Variants in AGK observed in about 807,000 individuals in gnomAD.
AGK encodes the protein acylglycerol kinase, mitochondrial.
In AGK, 52 loss-of-function variants were observed where a neutral mutation model predicts 66.4. That is an observed-to-expected ratio of 0.78 (90% CI 0.63 to 0.99). The LOEUF is 0.99. Ranked by LOEUF, AGK falls within the 50% of genes least tolerant of loss-of-function variation. The pLI is 0.00. For synonymous variants in AGK, 182 were observed against 181.1 expected (o/e 1.00, Z -0.04); for missense variants, 451 against 506.6 (o/e 0.89, Z 1.05).
At chr7:141,615,442 T>C (rs1796682452) in intron 7 of AGK, 29 bp from the exon 8 acceptor site, 4 of 1,587,726 alleles carry the variant, frequency 2.5e-6, no homozygotes, top group Non-Finnish European at 2.6e-6. Context: ...ATCATAACAA[T>C]AAAACTTTCC....
At chr7:141,552,388 T>G (rs911057197) in intron 1 of AGK, among the ~76,000 whole-genome samples, 1 of 152,218 alleles carries the variant, frequency 6.6e-6, no homozygotes, top group African/African-American at 2.4e-5. Flanking sequence ...CAATCCTTTA[T>G]CTCTAAACCA....
At chr7:141,634,027 A>G (rs374856701) in intron 10 of AGK, 47 bp downstream of exon 10, 43 of 1,492,716 alleles carry the variant, frequency 2.9e-5, no homozygotes, top group Admixed American at 6.7e-5. Context: ...AAAAAATCTT[A>G]TTCTGTCCCT....
intron 1 of AGK, 22 bp downstream of exon 1, chr7:141,551,456 C>G (rs374965673): frequency 6.5e-6 from 1 of 152,950 alleles, no homozygotes; most frequent in Non-Finnish European, 1.5e-5. Flanking sequence ...GGCGCCCAGG[C>G]GGGGAGCGCA....
At chr7:141,576,909 G>A (rs1022230736) in intron 2 of AGK, among the ~76,000 whole-genome samples, 12 of 151,912 alleles carry the variant, frequency 7.9e-5, no homozygotes, top group African/African-American at 2.4e-4. Flanking sequence ...GTGTGGTGGC[G>A]GGCACCTGTA....
chr7:141,619,674 A>G (rs893306368), intron 8 of AGK, among the ~76,000 whole-genome samples: 3 of 141,894 alleles, frequency 2.1e-5, no homozygotes, highest in Non-Finnish European at 4.5e-5. Context: ...CATAAACAAG[A>G]AAAAAAAAAA....
chr7:141,582,122 G>T lies in AGK; in HGVS notation c.102-11024G>T, dbSNP rs185346349. On this transcript the variant is annotated intron_variant, in intron 2 of 15. Transcript: ENST00000649286. ...GTCAAGAAGATCTGGGAAGGAGTCAGTCAGAGCCTTGGGCCGGTTGGACAG... is the reference window on the plus strand; with the variant it reads ...GTCAAGAAGATCTGGGAAGGAGTCATTCAGAGCCTTGGGCCGGTTGGACAG... 2.3e-3 allele frequency among the ~76,000 whole-genome samples: 347 copies of T among 152,184 alleles called. 8 individuals carry two copies. The highest frequency in any genetic ancestry group is 8.1e-3 in the African/African-American group (335 of 41,436).
chr7:141,558,890 A>C (rs1249975215), intron 2 of AGK, among the ~76,000 whole-genome samples: 2 of 152,198 alleles, frequency 1.3e-5, no homozygotes, highest in African/African-American at 4.8e-5. Flanking sequence ...GAAGTCAAGC[A>C]TCTTTTCACA....
At chr7:141,621,438 T>C (rs1328802380) in intron 8 of AGK, among the ~76,000 whole-genome samples, 1 of 152,182 alleles carries the variant, frequency 6.6e-6, no homozygotes, top group African/African-American at 2.4e-5. Context: ...TATTTTCCAA[T>C]GGTAAATAGG....
chr7:141,612,855 T>A (rs778661735), intron 6 of AGK, among the ~76,000 whole-genome samples: 11 of 152,200 alleles, frequency 7.2e-5, no homozygotes, highest in Non-Finnish European at 1.5e-4. Context: ...GTGCAGGTGA[T>A]CCCACGCACT....
intron 6 of AGK, among the ~76,000 whole-genome samples, chr7:141,612,333 G>T (rs1019509749): frequency 6.6e-6 from 1 of 152,156 alleles, no homozygotes; most frequent in Admixed American, 6.5e-5. Flanking sequence ...GGATGAATAG[G>T]CAGAGCACAG....
intron 2 of AGK, among the ~76,000 whole-genome samples, chr7:141,566,053 T>C (rs763132427): frequency 1.2e-4 from 19 of 152,218 alleles, no homozygotes; most frequent in Admixed American, 3.9e-4. Context: ...AAGTGACATG[T>C]TCTTTCTGTT....
intron 2 of AGK, among the ~76,000 whole-genome samples, chr7:141,587,142 A>T (rs1796010664): frequency 6.6e-6 from 1 of 152,162 alleles, no homozygotes; most frequent in Non-Finnish European, 1.5e-5. Context: ...GCAATTGCTT[A>T]ATGCAGGATG....
chr7:141,614,232 T>C, intron 7 of AGK, 54 bp downstream of exon 7: 1 of 1,302,012 alleles, frequency 7.7e-7, no homozygotes, highest in East Asian at 2.5e-5. Flanking sequence ...TTCTTTTTTA[T>C]TGCTTTTCTT....
intron 2 of AGK, among the ~76,000 whole-genome samples, chr7:141,565,364 A>G (rs967666355): frequency 6.6e-6 from 1 of 152,094 alleles, no homozygotes; most frequent in Admixed American, 6.5e-5. Flanking sequence ...TAATTTCCCA[A>G]ACTAGGCTAG....
Position 141,598,385 on chromosome 7 carries a change from C to T in AGK, c.221+1744C>T, listed in dbSNP as rs1011035826. Among the ~76,000 whole-genome samples, 4 of 152,100 alleles carry T rather than the reference C, an allele frequency of 2.6e-5. No homozygotes were observed. The highest frequency in any genetic ancestry group is 7.2e-5 in the African/African-American group (3 of 41,416). ...GATAAGTAAATTGTCAGTGGTGGCCCGTGGCTGAAGATAACAGAGAACTCA... is the reference window on the plus strand; with the variant it reads ...GATAAGTAAATTGTCAGTGGTGGCCTGTGGCTGAAGATAACAGAGAACTCA... On this transcript the variant is annotated intron_variant, in intron 4 of 15. Coordinates refer to ENST00000649286, the MANE Select transcript of AGK (RefSeq NM_018238.4). The surrounding 1 kb of genome is among the most constrained non-coding windows in gnomAD (Gnocchi z 4.2).
chr7:141,576,096 C>T (rs1459398186), intron 2 of AGK, among the ~76,000 whole-genome samples: 4 of 152,208 alleles, frequency 2.6e-5, no homozygotes, highest in Middle Eastern at 3.4e-3. Flanking sequence ...ATATGTTGAT[C>T]GTTGCCTTGT....
chr7:141,644,190 T>C (rs1208564087), intron 13 of AGK, among the ~76,000 whole-genome samples: 1 of 152,166 alleles, frequency 6.6e-6, no homozygotes, highest in Admixed American at 6.5e-5. Context: ...TTTAATAATA[T>C]GTATTCCGAG....
intron 2 of AGK, among the ~76,000 whole-genome samples, chr7:141,561,344 A>G (rs1244572295): frequency 2.0e-5 from 3 of 152,206 alleles, no homozygotes; most frequent in African/African-American, 7.2e-5. Context: ...AGGAATCTCC[A>G]TACTGTTTTC....
chr7:141,604,171 T>C (rs1796398964), intron 5 of AGK, among the ~76,000 whole-genome samples: 1 of 151,796 alleles, frequency 6.6e-6, no homozygotes, highest in Non-Finnish European at 1.5e-5. Context: ...AAACCACTAC[T>C]CTTTACAGGG....
Sources: allele counts gnomAD v4.1 joint callset (sites outside exome capture counted in the v4.1 genomes callset), GRCh38; gene constraint gnomAD v4.1.1; non-coding constraint Gnocchi (gnomAD v3.1); transcripts MANE v1.5; gene names NCBI Gene and HGNC (gene_info 2026-07-23, HGNC 2026-07-21).